The following CDC27 variants were observed in gnomAD, a reference collection of about 807,000 sequenced individuals.
CDC27 encodes cell division cycle protein 27 homolog.
Under a neutral mutation model 109.7 loss-of-function variants are expected in CDC27, and 27 were observed. The observed-to-expected ratio is 0.25, with a 90% CI of 0.18 to 0.34. The LOEUF is 0.34. CDC27 is among the 10% of genes least tolerant of loss of function. The pLI, the probability that CDC27 is intolerant of heterozygous loss-of-function variation, is 1.00. For synonymous variants in CDC27, 266 were observed against 333.9 expected, an observed-to-expected ratio of 0.80 and a Z score of 2.22; for missense variants, 579 against 960.2, an observed-to-expected ratio of 0.60 and a Z score of 5.25.
At chr17:47,164,646 GTC>G (rs2063591420) in intron 4 of CDC27, among the ~76,000 whole-genome samples, 1 of 152,078 alleles carries the variant, frequency 6.6e-6, no homozygotes, top group Non-Finnish European at 1.5e-5. Context: ...GTGAAACCCC[GTC>G]TCTACTAAAA....
intron 12 of CDC27, among the ~76,000 whole-genome samples, chr17:47,141,123 G>A (rs540171113): frequency 9.9e-5 from 15 of 152,134 alleles, no homozygotes; most frequent in African/African-American, 3.1e-4. Flanking sequence ...AGAGAGTCCA[G>A]GATATCATAT....
intron 13 of CDC27, among the ~76,000 whole-genome samples, chr17:47,138,147 T>C (rs2062679481): frequency 6.6e-6 from 1 of 152,104 alleles, no homozygotes; most frequent in Non-Finnish European, 1.5e-5. Flanking sequence ...GGATGAGTTA[T>C]TTTTAGGATT....
chr17:47,137,426 G>A (rs1167769143), intron 13 of CDC27, 66 bp from the exon 14 acceptor site: 3 of 914,810 alleles, frequency 3.3e-6, no homozygotes, highest in Non-Finnish European at 4.6e-6. Context: ...CCAAATCTAT[G>A]ACTAAAATCA....
chr17:47,180,033 C>G (rs2064162240), intron 2 of CDC27, among the ~76,000 whole-genome samples: 1 of 152,064 alleles, frequency 6.6e-6, no homozygotes, highest in Non-Finnish European at 1.5e-5. Context: ...GAGGCTGAGG[C>G]AGGAGGATCA....
intron 14 of CDC27, among the ~76,000 whole-genome samples, chr17:47,133,058 C>CACACAT (rs2062425553): frequency 6.4e-5 from 2 of 31,052 alleles, no homozygotes; most frequent in Non-Finnish European, 1.4e-4. Flanking sequence ...CACACACATA[C>CACACAT]ATATACACAC....
chr17:47,181,537 C>T (rs376447814), intron 2 of CDC27, 25 bp downstream of exon 2: 6 of 1,326,092 alleles, frequency 4.5e-6, no homozygotes, highest in African/African-American at 2.9e-5. Flanking sequence ...ATTTATCATT[C>T]TACAGCAATG....
chr17:47,158,642 A>C (rs536503504), intron 4 of CDC27, among the ~76,000 whole-genome samples: 103 of 149,942 alleles, frequency 6.9e-4, no homozygotes, highest in African/African-American at 2.5e-3. Context: ...TTTTTTGGAC[A>C]AGGTCTGGCT....
intron 12 of CDC27, among the ~76,000 whole-genome samples, chr17:47,140,552 A>G (rs906310372): frequency 7.9e-5 from 12 of 151,358 alleles, no homozygotes; most frequent in Non-Finnish European, 1.5e-4. Context: ...GAAAAATGGG[A>G]AAAAAACTCA....
intron 9 of CDC27, among the ~76,000 whole-genome samples, chr17:47,147,388 A>G (rs200828523): frequency 3.1e-4 from 46 of 149,340 alleles, no homozygotes; most frequent in Non-Finnish European, 5.3e-4. Flanking sequence ...GACAGAGCGA[A>G]ACTCCGTCTC....
intron 10 of CDC27, among the ~76,000 whole-genome samples, chr17:47,142,972 G>A (rs975857898): frequency 2.0e-5 from 3 of 151,956 alleles, no homozygotes; most frequent in African/African-American, 4.8e-5. Context: ...CACCGTGCCC[G>A]GCCTTTGTTT....
chr17:47,167,195 T>C (rs1447307527), intron 4 of CDC27, among the ~76,000 whole-genome samples: 5 of 152,242 alleles, frequency 3.3e-5, no homozygotes, highest in Non-Finnish European at 7.3e-5. Flanking sequence ...TTTCCAAATG[T>C]TTTGAGATTT....
chr17:47,124,210 C>CACACA (rs1555780231), intron 16 of CDC27, among the ~76,000 whole-genome samples: 3 of 149,326 alleles, frequency 2.0e-5, no homozygotes, highest in African/African-American at 4.9e-5. Context: ...CACACACACA[C>CACACA]CCCTCTTCGT....
In CDC27 at chr17:47,137,312, T is replaced by C; in HGVS notation, c.1753A>G (p.Ile585Val). The C allele has an allele frequency of 6.2e-7, 1 of 1,610,126 alleles. No homozygotes were observed. Among genetic ancestry groups the C allele is most frequent in the Non-Finnish European group, 8.5e-7 (1 of 1,178,430 alleles). ...NCFSLQREHD[I>V]AIKFFQRAIQ... ...GCTCTCTGGAAGAATTTAATTGCAA[T>C]ATCATGTTCCCGTTGCAGACTGAAA... Residue 585 changes from isoleucine (I) to valine (V), a missense_variant, in exon 14 of 19, where the codon ATT becomes GTT. Transcript: ENST00000066544.
At chr17:47,147,228 G>A (rs367926175) in intron 9 of CDC27, among the ~76,000 whole-genome samples, 2 of 151,276 alleles carry the variant, frequency 1.3e-5, no homozygotes, top group Admixed American at 1.3e-4. Context: ...GTGAAACCCC[G>A]TCTCTACTAA....
At chr17:47,135,557 C>T (rs2062555181) in intron 14 of CDC27, among the ~76,000 whole-genome samples, 1 of 152,136 alleles carries the variant, frequency 6.6e-6, no homozygotes, top group African/African-American at 2.4e-5. Flanking sequence ...AGGTATTAAA[C>T]ACTATGCTAA....
intron 1 of CDC27, among the ~76,000 whole-genome samples, chr17:47,183,654 C>T (rs185392970): frequency 7.0e-4 from 106 of 152,286 alleles, no homozygotes; most frequent in African/African-American, 2.5e-3. Context: ...ATACTTCCCA[C>T]TGCTATAATT....
At chr17:47,128,744 TTTTC>T (rs1477570453) in intron 16 of CDC27, among the ~76,000 whole-genome samples, 9 of 151,822 alleles carry the variant, frequency 5.9e-5, no homozygotes, top group Admixed American at 3.9e-4. Context: ...CACACATTCG[TTTTC>T]TTTTTCTGTT....
chr17:47,189,023 C>T, intron 1 of CDC27, 123 bp downstream of exon 1: 2 of 1,505,350 alleles, frequency 1.3e-6, no homozygotes, highest in South Asian at 1.2e-5. Flanking sequence ...AGGCAGGACA[C>T]GGCAGCAGGG....
intron 16 of CDC27, 46 bp from the exon 17 acceptor site, chr17:47,124,006 G>C (rs367805919): frequency 3.7e-5 from 50 of 1,339,370 alleles, no homozygotes; most frequent in Middle Eastern, 1.9e-4. Flanking sequence ...AATTTTTAAA[G>C]TTTTGACCAA....
Sources: allele counts gnomAD v4.1 joint callset (sites outside exome capture counted in the v4.1 genomes callset), GRCh38; gene constraint gnomAD v4.1.1; transcripts MANE v1.5; gene names NCBI Gene and HGNC (gene_info 2026-07-23, HGNC 2026-07-21).